The following ZNF716 variants were observed in gnomAD, a reference collection of about 807,000 sequenced individuals.
ZNF716 encodes zinc finger protein 716.
A neutral mutation model predicts 13.4 loss-of-function variants in ZNF716; 9 were observed. That is an observed-to-expected ratio of 0.67 (90% CI 0.41 to 1.18). The LOEUF is 1.18. ZNF716 is among the 50% of genes most tolerant of loss of function. ZNF716 has a pLI of 0.01. For missense variants in ZNF716, 581 were observed against 576.6 expected (o/e 1.01, Z -0.08); for synonymous variants, 186 against 195.2 (o/e 0.95, Z 0.39).
intron 3 of ZNF716, among the ~76,000 whole-genome samples, chr7:57,466,682 G>T (rs10239323): frequency 0.38 from 58,248 of 151,774 alleles, 11,362 homozygotes; most frequent in East Asian, 0.51. Flanking sequence ...TTTTTCTTTA[G>T]AAATTACCCA....
intron 3 of ZNF716, among the ~76,000 whole-genome samples, chr7:57,465,619 G>A (rs1351645102): frequency 1.3e-5 from 2 of 152,160 alleles, no homozygotes; most frequent in East Asian, 3.9e-4. Context: ...CAAAGTGCTG[G>A]GATTACACCT....
chr7:57,462,396 G>A, intron 1 of ZNF716, 64 bp from the exon 2 acceptor site: 1 of 1,565,428 alleles, frequency 6.4e-7, no homozygotes, highest in Non-Finnish European at 8.7e-7. Context: ...TCTGCCTATG[G>A]CAACATGGTA....
chr7:57,468,764 G>A lies in ZNF716; in HGVS notation c.303G>A (p.Gln101=), dbSNP rs782185730. Residue 101 remains glutamine, a synonymous_variant, in exon 4 of 4, where the codon CAG becomes CAA. Coordinates refer to ENST00000420713, the MANE Select transcript of ZNF716 (RefSeq NM_001159279.1). ...SHFTQDLQSE[Q]GIKDSLQKVI... is the part of the protein sequence containing the mutation. ...TCACCCAAGACCTTCAGTCAGAGCA[G>A]GGCATAAAAGATTCACTCCAAAAAG... The A allele has an allele frequency of 3.1e-6, 5 of 1,612,936 alleles. No individual in the cohort carries two copies. The highest frequency in any genetic ancestry group is 1.6e-4 in the Middle Eastern group (1 of 6,070).
intron 1 of ZNF716, among the ~76,000 whole-genome samples, chr7:57,453,177 C>CA (rs1452308606): frequency 1.3e-5 from 2 of 151,972 alleles, no homozygotes; most frequent in Admixed American, 1.3e-4. Flanking sequence ...CCCCTAAAGG[C>CA]AAAAAAACCT....
chr7:57,463,301 T>A, intron 3 of ZNF716, 133 bp downstream of exon 3: 1 of 1,229,508 alleles, frequency 8.1e-7, no homozygotes, highest in Non-Finnish European at 1.1e-6. Flanking sequence ...GTCATTTTTT[T>A]CTATTATGCT....
intron 1 of ZNF716, among the ~76,000 whole-genome samples, chr7:57,457,703 A>T (rs1354411977): frequency 6.6e-6 from 1 of 152,102 alleles, no homozygotes; most frequent in Non-Finnish European, 1.5e-5. Flanking sequence ...GGTTTGTTGT[A>T]TAGGTAAAAT....
rs2116430109 is a variant in ZNF716 at position 57,471,455 on chromosome 7, A to G, written c.*1506A>G. On this transcript the variant is annotated 3_prime_UTR_variant, in exon 4 of 4. Transcript: ENST00000420713. The stretch of plus-strand genomic sequence containing the variant: ...GCGTAAATGTGATTACTGTAAAAAG[A>G]CCTTTCAGAAAACATAGGCCTTTAA... The G allele has an allele frequency of 6.6e-6, 1 of 151,814 alleles. No homozygotes were observed. Among genetic ancestry groups the G allele is most frequent in the Admixed American group, 6.6e-5 (1 of 15,200 alleles). The allele number at this position is 151,814 out of a possible 1,614,324, so 9.4% of individuals were successfully genotyped here.
At chr7:57,461,373 T>A (rs1232941504) in intron 1 of ZNF716, among the ~76,000 whole-genome samples, 1 of 152,216 alleles carries the variant, frequency 6.6e-6, no homozygotes, top group East Asian at 1.9e-4. Context: ...AATAAAAATG[T>A]GTCCCAGTAC....
At position 57,468,976 on chromosome 7, in the gene ZNF716, C is replaced by A. The variant is rs782354101; in HGVS notation, c.515C>A (p.Ser172Tyr). 1.2e-6 allele frequency: 2 copies of A among 1,607,964 alleles called. No homozygotes were observed. The highest frequency in any genetic ancestry group is 4.5e-5 in the East Asian group (2 of 44,648). ...AAAGTCTTTGGTAAATTTTCAAATTCCAATAGACACAAGACAAGACATACT... is the reference window on the plus strand; with the variant it reads ...AAAGTCTTTGGTAAATTTTCAAATTACAATAGACACAAGACAAGACATACT... Reference protein sequence around the residue: ...CVKVFGKFSNSNRHKTRHTGK... With the variant: ...CVKVFGKFSNYNRHKTRHTGK... The change falls in exon 4 of 4, where the codon TCC becomes TAC. Residue 172 changes from serine (S) to tyrosine (Y), a missense_variant. Transcript: ENST00000420713.
chr7:57,470,148 T>C lies in ZNF716; in HGVS notation c.*199T>C, dbSNP rs1789902498. ...CCTTTAACCACCCCTCAAACCTTAA[T>C]GAACCCAAGAGAATTTATTTAAAAA... On this transcript the variant is annotated 3_prime_UTR_variant, in exon 4 of 4. Transcript: ENST00000420713. The C allele has an allele frequency of 1.8e-6, 1 of 543,386 alleles. No homozygotes were observed. The highest frequency in any genetic ancestry group is 1.9e-5 in the African/African-American group (1 of 51,284). 33.7% of individuals were successfully genotyped at this position (543,386 alleles called of 1,614,324 possible).
intron 3 of ZNF716, among the ~76,000 whole-genome samples, chr7:57,468,367 C>T (rs567886467): frequency 1.3e-5 from 2 of 152,188 alleles, no homozygotes; most frequent in South Asian, 4.1e-4. Context: ...GATATAGGTG[C>T]CAATATTTTT....
Position 57,454,827 on chromosome 7 carries a change from A to G in ZNF716, c.39+4500A>G, listed in dbSNP as rs190207188. Among the ~76,000 whole-genome samples the G allele has an allele frequency of 7.1e-3, 1,086 of 152,238 alleles. 12 individuals carry two copies. Among genetic ancestry groups the G allele is most frequent in the African/African-American group, 0.025 (1,039 of 41,532 alleles). On this transcript the variant is annotated intron_variant, in intron 1 of 3. Transcript: ENST00000420713. The stretch of plus-strand genomic sequence containing the variant: ...ATCATGAGGCCAGGAGATCGAGACC[A>G]TCCTAGCTAACACGGTGAAACCCCA...
intron 1 of ZNF716, 67 bp from the exon 2 acceptor site, chr7:57,462,393 A>T (rs574378100): frequency 6.4e-7 from 1 of 1,557,706 alleles, no homozygotes; most frequent in Non-Finnish European, 8.7e-7. Flanking sequence ...ATCTCTGCCT[A>T]TGGCAACATG....
chr7:57,469,759 A>T lies in ZNF716; in HGVS notation c.1298A>T (p.Glu433Val). ...AAACATAAGATAATTCATACTGGAG[A>T]GAAACTCTACAAATGTAAAGAATGT... ...LKKHKIIHTG[E>V]KLYKCKECGK... The change falls in exon 4 of 4, where the codon GAG becomes GTG. Residue 433 changes from glutamate to valine, a missense_variant. Coordinates refer to ENST00000420713, the MANE Select transcript of ZNF716 (RefSeq NM_001159279.1). The T allele has an allele frequency of 6.2e-7, 1 of 1,611,398 alleles. No homozygotes were observed. The highest frequency in any genetic ancestry group is 8.5e-7 in the Non-Finnish European group (1 of 1,178,714).
chr7:57,453,994 G>A (rs1435843513), intron 1 of ZNF716, among the ~76,000 whole-genome samples: 2 of 152,020 alleles, frequency 1.3e-5, no homozygotes, highest in Non-Finnish European at 2.9e-5. Flanking sequence ...CACCACACCC[G>A]GCTAATTTTT....
At position 57,469,098 on chromosome 7, in the gene ZNF716, T is replaced by C. The variant is rs781881393; in HGVS notation, c.637T>C (p.Tyr213His). 2 of 1,608,356 alleles carry C rather than the reference T, an allele frequency of 1.2e-6. No individual in the cohort carries two copies. The highest frequency in any genetic ancestry group is 1.7e-6 in the Non-Finnish European group (2 of 1,176,938). Reference protein sequence around the residue: ...HQIIHTREKSYKCEECGKSFN... With the variant: ...HQIIHTREKSHKCEECGKSFN... Reference sequence around the variant, plus strand: ...GATAATTCATACTAGGGAGAAGTCTTACAAATGTGAAGAATGTGGCAAATC... The same window carrying C: ...GATAATTCATACTAGGGAGAAGTCTCACAAATGTGAAGAATGTGGCAAATC... Residue 213 changes from tyrosine to histidine, a missense_variant, in exon 4 of 4, where the codon TAC becomes CAC. Tyr to His is a moderately conservative substitution (Grantham distance 83, BLOSUM62 2). Coordinates refer to ENST00000420713, the MANE Select transcript of ZNF716 (RefSeq NM_001159279.1).
chr7:57,454,909 C>G (rs1459958501), intron 1 of ZNF716, among the ~76,000 whole-genome samples: 1 of 151,934 alleles, frequency 6.6e-6, no homozygotes, highest in Admixed American at 6.6e-5. Context: ...ACCTATAGTC[C>G]CAGCTACTTG....
rs58938678 is a variant in ZNF716 at position 57,450,348 on chromosome 7, CGT to C, written c.39+23_39+24del. The C allele has an allele frequency of 0.015, 23,968 of 1,613,656 alleles. 1,599 individuals carry two copies. The East Asian group carries it at 0.22, about 15-fold the overall frequency. Reference sequence around the variant, plus strand: ...AAATGGTGAGTGCTGGGTCTGTCACCGTGAGAGAGGGGTGGGGGCTGGTTGGA... The same window carrying C: ...AAATGGTGAGTGCTGGGTCTGTCACCGAGAGAGGGGTGGGGGCTGGTTGGA... On this transcript the variant is annotated intron_variant, in intron 1 of 3. Transcript: ENST00000420713.
At chr7:57,450,366 G>C (rs1554321374) in intron 1 of ZNF716, 39 bp downstream of exon 1, 1 of 1,613,800 alleles carries the variant, frequency 6.2e-7, no homozygotes, top group Admixed American at 1.7e-5. Context: ...AGGGGTGGGG[G>C]CTGGTTGGAA....
Sources: allele counts gnomAD v4.1 joint callset (sites outside exome capture counted in the v4.1 genomes callset), GRCh38; gene constraint gnomAD v4.1.1; transcripts MANE v1.5; gene names NCBI Gene and HGNC (gene_info 2026-07-23, HGNC 2026-07-21).